The following KDM2B variants were observed in gnomAD, a reference collection of about 807,000 sequenced individuals.
The protein encoded by KDM2B is lysine demethylase 2B, also known as lysine-specific demethylase 2B.
A neutral mutation model predicts 150.0 loss-of-function variants in KDM2B; 26 were observed. That is an observed-to-expected ratio of 0.17 (90% CI 0.13 to 0.24). The LOEUF (loss-of-function observed/expected upper bound fraction) is 0.24, where lower values mean the gene tolerates loss of function less well. Among genes scored for constraint, KDM2B ranks in the 10% least tolerant of loss-of-function variants. The pLI, the probability that KDM2B is intolerant of heterozygous loss-of-function variation, is 1.00. For synonymous variants in KDM2B, 734 were observed against 729.5 expected (o/e 1.01, Z -0.10); for missense variants, 1,265 against 1,816.9 (o/e 0.70, Z 5.52).
At chr12:121,519,932 G>A (rs910925264) in intron 9 of KDM2B, among the ~76,000 whole-genome samples, 2 of 152,008 alleles carry the variant, frequency 1.3e-5, no homozygotes, top group African/African-American at 2.4e-5. Flanking sequence ...CGGCTCTGTC[G>A]CCCAGGATGG....
At position 121,513,392 on chromosome 12, in the gene KDM2B, T is replaced by C. The variant is rs782727841; in HGVS notation, c.1058A>G (p.Lys353Arg). The stretch of plus-strand genomic sequence containing the variant: ...CTCATAGTAGAAGGGGTAACGGAAT[T>C]TGGGCTGCACCTGAAAGCAAAGACG... Reference protein sequence around the residue: ...EIEDRTRVQPKFRYPFYYEMC... With the variant: ...EIEDRTRVQPRFRYPFYYEMC... Residue 353 changes from lysine to arginine, a missense_variant, in exon 10 of 23, where the codon AAA (lysine) becomes AGA (arginine). By Grantham distance (26) the Lys-to-Arg change is conservative. This residue lies in a region of KDM2B where 214 missense variants were observed against 447.4 expected (regional missense o/e 0.48). Coordinates refer to ENST00000377071, the MANE Select transcript of KDM2B (RefSeq NM_032590.5). The surrounding 1 kb of genome is among the most constrained non-coding windows in gnomAD (Gnocchi z 5.0). 2 of 1,610,796 alleles carry C rather than the reference T, an allele frequency of 1.2e-6. No individual in the cohort carries two copies. The highest frequency in any genetic ancestry group is 1.3e-5 in the African/African-American group (1 of 74,970).
chr12:121,434,236 GA>G (rs1873567645), intron 22 of KDM2B, among the ~76,000 whole-genome samples: 2 of 151,404 alleles, frequency 1.3e-5, no homozygotes, highest in Admixed American at 1.3e-4. Flanking sequence ...TAGACCAATG[GA>G]ATAGAATCAA....
Position 121,444,142 on chromosome 12 carries a change from G to A in KDM2B, c.2321C>T (p.Pro774Leu). Reference protein sequence around the residue: ...AKRRSECEEAPRRRSDEHSKK... With the variant: ...AKRRSECEEALRRRSDEHSKK... ...CGAGTGCTCATCCGACCTGCGCCGGGGCGCCTCCTCACACTCACTCCTCCG... is the reference window on the plus strand; with the variant it reads ...CGAGTGCTCATCCGACCTGCGCCGGAGCGCCTCCTCACACTCACTCCTCCG... The change falls in exon 16 of 23, where the codon CCC becomes CTC. Residue 774 changes from proline (P) to leucine (L), a missense_variant. Around this residue, in one of 11 missense-constraint regions of KDM2B, gnomAD observed 418 missense variants for 402.4 expected, o/e 1.04. Transcript: ENST00000377071. The A allele has an allele frequency of 6.2e-7, 1 of 1,612,774 alleles. No homozygotes were observed. Among genetic ancestry groups the A allele is most frequent in the Non-Finnish European group, 8.5e-7 (1 of 1,180,038 alleles).
chr12:121,414,462 A>T, the KDM2B span, among the ~76,000 whole-genome samples: 1 of 152,038 alleles, frequency 6.6e-6, no homozygotes, highest in East Asian at 1.9e-4. Flanking sequence ...GAGACAGGTT[A>T]CTCTGGGCAG....
chr12:121,566,274 G>T (rs767976893), intron 4 of KDM2B, among the ~76,000 whole-genome samples: 6 of 151,876 alleles, frequency 4.0e-5, no homozygotes, highest in Non-Finnish European at 8.8e-5. Flanking sequence ...GGATTACAAG[G>T]TCAGGAGTTC....
chr12:121,524,655 G>A (rs1357336447), intron 8 of KDM2B: 23 of 448,962 alleles, frequency 5.1e-5, no homozygotes, highest in Non-Finnish European at 8.1e-5. Flanking sequence ...AAATAACAGC[G>A]TTTGTGGGCC....
the KDM2B span, chr12:121,409,618 T>A: frequency 6.6e-6 from 1 of 152,180 alleles, no homozygotes; most frequent in Non-Finnish European, 1.5e-5. Flanking sequence ...CACAGACCAG[T>A]GAAATCAGAA....
chr12:121,465,608 CAAT>C (rs2038715763), intron 12 of KDM2B, among the ~76,000 whole-genome samples: 1 of 152,060 alleles, frequency 6.6e-6, no homozygotes, highest in Non-Finnish European at 1.5e-5. Flanking sequence ...CCCAGAGACA[CAAT>C]AAGTCTTGCA....
intron 11 of KDM2B, among the ~76,000 whole-genome samples, chr12:121,495,716 C>A (rs782735876): frequency 2.0e-5 from 3 of 152,164 alleles, no homozygotes; most frequent in Non-Finnish European, 2.9e-5. Flanking sequence ...GACCTTGATG[C>A]CTTCATAGAG....
intron 1 of KDM2B, 80 bp downstream of exon 1, chr12:121,580,706 C>T: frequency 6.9e-7 from 1 of 1,443,090 alleles, no homozygotes; most frequent in East Asian, 2.6e-5. Context: ...CCAAAAACGA[C>T]CCCCCACCTC....
chr12:121,516,376 G>T, intron 9 of KDM2B: 3 of 754,736 alleles, frequency 4.0e-6, no homozygotes, highest in Non-Finnish European at 5.8e-6. Flanking sequence ...GAAAACAAAT[G>T]CTGATGAAGG....
At chr12:121,460,596 C>T (rs4980988) in intron 12 of KDM2B, among the ~76,000 whole-genome samples, 147,583 of 152,248 alleles carry the variant, frequency 0.97, 71,580 homozygotes, top group East Asian at 1. Context: ...TTTTGAGCGA[C>T]GGAGTCCCAC....
At chr12:121,524,273 T>C (rs1266574555) in intron 8 of KDM2B, among the ~76,000 whole-genome samples, 5 of 152,168 alleles carry the variant, frequency 3.3e-5, no homozygotes, top group Non-Finnish European at 7.3e-5. Flanking sequence ...TTGGTATCTG[T>C]GGTTGTCTCT....
intron 12 of KDM2B, among the ~76,000 whole-genome samples, chr12:121,487,901 C>G (rs1165471330): frequency 6.6e-6 from 1 of 151,804 alleles, no homozygotes; most frequent in Non-Finnish European, 1.5e-5. Context: ...ACTGCGTCAG[C>G]CTCCTGAGTA....
intron 8 of KDM2B, among the ~76,000 whole-genome samples, chr12:121,530,853 G>A (rs551746724): frequency 6.6e-6 from 1 of 152,142 alleles, no homozygotes; most frequent in Admixed American, 6.5e-5. Context: ...TCTGCATAAG[G>A]CCTGGACAGA....
intron 13 of KDM2B, among the ~76,000 whole-genome samples, chr12:121,449,149 G>T (rs557257652): frequency 6.6e-6 from 1 of 151,722 alleles, no homozygotes; most frequent in Non-Finnish European, 1.5e-5. Context: ...GATGGGAGGC[G>T]GTGCCAGAGG....
intron 22 of KDM2B, among the ~76,000 whole-genome samples, chr12:121,434,048 A>G (rs1408438083): frequency 6.6e-6 from 1 of 151,814 alleles, no homozygotes; most frequent in Non-Finnish European, 1.5e-5. Context: ...TTAGCCAAAC[A>G]TGGTGCCTCT....
intron 2 of KDM2B, among the ~76,000 whole-genome samples, chr12:121,577,277 G>C (rs1162402668): frequency 2.0e-5 from 3 of 151,680 alleles, no homozygotes; most frequent in African/African-American, 7.3e-5. Flanking sequence ...CTGAGAAAAA[G>C]CTCTGAAATC....
intron 13 of KDM2B, among the ~76,000 whole-genome samples, chr12:121,451,511 A>C (rs1312561725): frequency 1.3e-5 from 2 of 152,232 alleles, no homozygotes; most frequent in African/African-American, 4.8e-5. Context: ...AGAAGAATTC[A>C]AAACATGATC....
Sources: allele counts gnomAD v4.1 joint callset (sites outside exome capture counted in the v4.1 genomes callset), GRCh38; gene constraint gnomAD v4.1.1; regional missense constraint gnomAD v4.1.1; non-coding constraint Gnocchi (gnomAD v3.1); transcripts MANE v1.5; gene names NCBI Gene and HGNC (gene_info 2026-07-23, HGNC 2026-07-21).